The following MAGI2 variants were observed in gnomAD, a reference collection of about 807,000 sequenced individuals.
The protein encoded by MAGI2 is membrane associated guanylate kinase, WW and PDZ domain containing 2, also known as membrane-associated guanylate kinase, WW and PDZ domain-containing protein 2.
In MAGI2, 35 loss-of-function variants were observed where a neutral mutation model predicts 133.3. That is an observed-to-expected ratio of 0.26 (90% confidence interval 0.20 to 0.35). MAGI2 has a LOEUF of 0.35. MAGI2 is among the 10% of genes least tolerant of loss of function. The probability of loss-of-function intolerance (pLI) is 1.00; values close to 1 mark genes in which losing one functional copy is unlikely to be tolerated. For synonymous variants in MAGI2, 729 were observed against 710.6 expected (o/e 1.03, Z -0.41); for missense variants, 1,636 against 1,863.4 (o/e 0.88, Z 2.25).
intron 1 of MAGI2, among the ~76,000 whole-genome samples, chr7:79,293,786 G>T (rs2129559001): frequency 6.6e-6 from 1 of 152,330 alleles, no homozygotes; most frequent in Admixed American, 6.5e-5. Context: ...AGGCCTCCTA[G>T]TCATTAAATA....
intron 2 of MAGI2, among the ~76,000 whole-genome samples, chr7:78,827,325 C>A (rs1790750635): frequency 6.6e-6 from 1 of 152,136 alleles, no homozygotes; most frequent in Admixed American, 6.5e-5. Context: ...GTCACTAAGG[C>A]TGCAGTGCAG....
chr7:78,924,005 T>C (rs1799482804), intron 2 of MAGI2, among the ~76,000 whole-genome samples: 1 of 152,180 alleles, frequency 6.6e-6, no homozygotes. Flanking sequence ...TGTCTGTTAT[T>C]GGTGTATAAG....
chr7:78,637,116 G>T (rs1174578781), intron 2 of MAGI2, among the ~76,000 whole-genome samples: 2 of 152,140 alleles, frequency 1.3e-5, no homozygotes, highest in Non-Finnish European at 2.9e-5. Flanking sequence ...AAAGCATGCA[G>T]GTCATGACTT....
intron 2 of MAGI2, among the ~76,000 whole-genome samples, chr7:78,665,217 C>G (rs1198740463): frequency 6.6e-6 from 1 of 151,784 alleles, no homozygotes; most frequent in Non-Finnish European, 1.5e-5. Context: ...GTTCTTGATA[C>G]GTGGTATCAA....
rs554010061 is a variant in MAGI2, at chr7:78,529,668, G to GTTTTTTTTTTT, written c.539-8034_539-8024dup. ...TTTCTTTTCCTTGCTAAAGGAGATGGTTTTTTTTTTTTTTTTTTTTTTTTT... is the reference window on the plus strand; with the variant it reads ...TTTCTTTTCCTTGCTAAAGGAGATGGTTTTTTTTTTTTTTTTTTTTTTTTTTTTTTTTTTTT... On this transcript the variant is annotated intron_variant, in intron 3 of 21. Transcript: ENST00000354212. Among the ~76,000 whole-genome samples the GTTTTTTTTTTT allele has an allele frequency of 4.5e-3, 259 of 57,414 alleles. 55 individuals carry two copies. Among genetic ancestry groups the GTTTTTTTTTTT allele is most frequent in the African/African-American group, 8.7e-3 (158 of 18,078 alleles). The allele number at this position is 57,414 out of a possible 152,430, so 37.7% of individuals were successfully genotyped here. A position where few individuals can be genotyped will look rare whatever the true frequency, so the allele number is the denominator to read the frequency against.
At chr7:79,020,007 A>C (rs1296227232) in intron 1 of MAGI2, among the ~76,000 whole-genome samples, 1 of 152,254 alleles carries the variant, frequency 6.6e-6, no homozygotes, top group Non-Finnish European at 1.5e-5. Flanking sequence ...AGAAGAAGAC[A>C]TAAAGATGTG....
Position 78,968,646 on chromosome 7 carries a change from T to C in MAGI2, c.418+38444A>G, listed in dbSNP as rs1263368808. Among the ~76,000 whole-genome samples the C allele has an allele frequency of 2.0e-5, 3 of 152,044 alleles. No homozygotes were observed. The East Asian group carries it at 5.8e-4, about 29-fold the overall frequency. On this transcript the variant is annotated intron_variant, in intron 2 of 21. Transcript: ENST00000354212. ...TATATTACATACAGCTTTCTAGAAG[T>C]TGTACTATATCACATTAAGCAAATA...
At chr7:78,530,751 CATATG>C (rs1797397128) in intron 3 of MAGI2, among the ~76,000 whole-genome samples, 2 of 151,762 alleles carry the variant, frequency 1.3e-5, no homozygotes, top group South Asian at 2.1e-4. Context: ...TTTTTTTGGA[CATATG>C]ATATGTGTCC....
In MAGI2 at chr7:79,379,647, T is replaced by C. The variant is rs867513554; in HGVS notation, c.301+73373A>G. Among the ~76,000 whole-genome samples the C allele has an allele frequency of 4.2e-4, 64 of 152,030 alleles. 1 individual carries two copies. The Middle Eastern group carries it at 0.027, about 65-fold the overall frequency. Reference sequence around the variant, plus strand: ...TGTTGTTTCCTGACTTTTTAATGATTGCCATTCTAACTGGAGTGAGATGGT... The same window carrying C: ...TGTTGTTTCCTGACTTTTTAATGATCGCCATTCTAACTGGAGTGAGATGGT... On this transcript the variant is annotated intron_variant, in intron 1 of 21. Transcript: ENST00000354212.
At chr7:79,438,217 AC>A (rs1248834279) in intron 1 of MAGI2, among the ~76,000 whole-genome samples, 3 of 152,148 alleles carry the variant, frequency 2.0e-5, no homozygotes, top group Non-Finnish European at 4.4e-5. Context: ...TCTGCCAGGT[AC>A]CTCAAACACA....
intron 6 of MAGI2, among the ~76,000 whole-genome samples, chr7:78,375,346 C>T (rs1477336447): frequency 2.0e-5 from 3 of 151,972 alleles, no homozygotes; most frequent in Non-Finnish European, 4.4e-5. Flanking sequence ...AGGCATTGTT[C>T]CTTTCTTGGG....
chr7:78,670,484 T>C (rs1229237772), intron 2 of MAGI2, among the ~76,000 whole-genome samples: 2 of 152,154 alleles, frequency 1.3e-5, no homozygotes, highest in African/African-American at 4.8e-5. Context: ...ATCATGAAAA[T>C]GGCCATACTG....
intron 1 of MAGI2, among the ~76,000 whole-genome samples, chr7:79,337,585 G>T (rs1840528886): frequency 6.6e-6 from 1 of 151,978 alleles, no homozygotes; most frequent in Admixed American, 6.6e-5. Flanking sequence ...GTCTTTTTTG[G>T]TACAATGAAA....
chr7:78,172,980 G>A (rs1826255801), intron 14 of MAGI2, among the ~76,000 whole-genome samples: 1 of 152,158 alleles, frequency 6.6e-6, no homozygotes, highest in Non-Finnish European at 1.5e-5. Flanking sequence ...GCTACTTTAT[G>A]GCTTAAATGT....
In MAGI2 at chr7:78,106,702, G is replaced by A. The variant is rs1583927563; in HGVS notation, c.3567+18992C>T. ...CAGATATTTTGCCCATTTTTAATAGGATTATTTTACTTTCCCCTGTTGAGT... is the reference window on the plus strand; with the variant it reads ...CAGATATTTTGCCCATTTTTAATAGAATTATTTTACTTTCCCCTGTTGAGT... On this transcript the variant is annotated intron_variant, in intron 20 of 21. Coordinates refer to ENST00000354212, the MANE Select transcript of MAGI2 (RefSeq NM_012301.4). 2.0e-5 allele frequency among the ~76,000 whole-genome samples: 3 copies of A among 151,892 alleles called. No individual in the cohort carries two copies. The South Asian group carries it at 6.2e-4, about 31-fold the overall frequency.
chr7:79,415,017 T>C (rs776686766), intron 1 of MAGI2: 6 of 152,182 alleles, frequency 3.9e-5, no homozygotes, highest in Non-Finnish European at 8.8e-5. Context: ...TTAAATGATG[T>C]GGCCAAGATT....
chr7:78,020,574 A>C (rs1020015145), intron 21 of MAGI2, among the ~76,000 whole-genome samples: 2 of 87,150 alleles, frequency 2.3e-5, no homozygotes, highest in Non-Finnish European at 4.4e-5. Context: ...GATGGGCTCA[A>C]AAAAAAAAGG....
intron 1 of MAGI2, among the ~76,000 whole-genome samples, chr7:79,394,254 C>T (rs551558459): frequency 1.3e-5 from 2 of 152,272 alleles, no homozygotes; most frequent in South Asian, 2.1e-4. Context: ...ACAACATGAG[C>T]CCCTATGCTT....
At chr7:78,095,750 CA>C (rs1817637734) in intron 20 of MAGI2, among the ~76,000 whole-genome samples, 1 of 152,120 alleles carries the variant, frequency 6.6e-6, no homozygotes, top group South Asian at 2.1e-4. Context: ...ACAGTCACCA[CA>C]AGGAGGTGGC....
Sources: gnomAD v4.1 joint callset for allele counts (sites outside exome capture counted in the v4.1 genomes callset) on GRCh38, gnomAD v4.1.1 for gene constraint, MANE v1.5 for transcripts, NCBI Gene and HGNC (gene_info 2026-07-23, HGNC 2026-07-21) for gene names.